The following GRID2 variants were observed in gnomAD, a reference collection of about 807,000 sequenced individuals.
GRID2 encodes glutamate ionotropic receptor delta type subunit 2.
GRID2 carries 33 observed loss-of-function variants against 114.8 expected under a neutral mutation model. The observed-to-expected ratio is 0.29, with a 90% CI of 0.22 to 0.38. GRID2 has a LOEUF of 0.38. Ranked by LOEUF, GRID2 falls within the 10% of genes least tolerant of loss-of-function variation. GRID2 has a pLI of 1.00. For missense variants in GRID2, 1,184 were observed against 1,257.7 expected (o/e 0.94, Z 0.89); for synonymous variants, 505 against 449.9 (o/e 1.12, Z -1.55).
chr4:92,940,556 T>G (rs973865809), intron 2 of GRID2, among the ~76,000 whole-genome samples: 1 of 152,174 alleles, frequency 6.6e-6, no homozygotes, highest in African/African-American at 2.4e-5. Context: ...GAATGCCCTT[T>G]ATTTCCTTCC....
chr4:93,557,201 A>G (rs1221958619), intron 13 of GRID2, among the ~76,000 whole-genome samples: 3 of 152,218 alleles, frequency 2.0e-5, no homozygotes, highest in Non-Finnish European at 2.9e-5. Flanking sequence ...CAAAGTAACC[A>G]GCTAGCATCA....
At chr4:92,308,206 GCA>G (rs1413269526) in intron 1 of GRID2, among the ~76,000 whole-genome samples, 1 of 152,146 alleles carries the variant, frequency 6.6e-6, no homozygotes, top group Non-Finnish European at 1.5e-5. Context: ...CCAGTCAACT[GCA>G]CAGTTTGTGT....
chr4:92,605,045 A>G (rs948152962), intron 2 of GRID2, among the ~76,000 whole-genome samples: 2 of 152,004 alleles, frequency 1.3e-5, no homozygotes, highest in African/African-American at 4.8e-5. Context: ...ATACCTTGTG[A>G]AGAAGATGCC....
chr4:92,807,321 T>A (rs2149376477), intron 2 of GRID2, among the ~76,000 whole-genome samples: 1 of 152,096 alleles, frequency 6.6e-6, no homozygotes. Context: ...TTCAGAGGAC[T>A]CATAAAAAAT....
intron 1 of GRID2, among the ~76,000 whole-genome samples, chr4:92,518,093 G>A (rs1309609017): frequency 1.3e-5 from 2 of 151,706 alleles, no homozygotes; most frequent in African/African-American, 4.8e-5. Context: ...TATAATGAGT[G>A]TGTCTGTGCC....
chr4:92,475,709 A>C (rs1722271854), intron 1 of GRID2, among the ~76,000 whole-genome samples: 1 of 151,862 alleles, frequency 6.6e-6, no homozygotes, highest in African/African-American at 2.4e-5. Flanking sequence ...TTTGTGTAAA[A>C]CATCATGGGG....
At chr4:93,632,653 T>G (rs188632651) in intron 14 of GRID2, among the ~76,000 whole-genome samples, 160 of 152,314 alleles carry the variant, frequency 1.1e-3, no homozygotes, top group African/African-American at 3.8e-3. Flanking sequence ...GGTAGCGTGA[T>G]GCCTCCAGCT....
rs374351747 is a variant in GRID2 at position 93,602,165 on chromosome 4, C to A, written c.2194-24104C>A. ...TTTATAAGAAAATCTTCCCATTTTG[C>A]TTTTCAGAGAGGATTGTGTTATTAT... On this transcript the variant is annotated intron_variant, in intron 13 of 15. Coordinates refer to ENST00000282020, the MANE Select transcript of GRID2 (RefSeq NM_001510.4). Among the ~76,000 whole-genome samples, 7 of 152,294 alleles carry A rather than the reference C, an allele frequency of 4.6e-5. No homozygotes were observed. The East Asian group carries it at 1.4e-3, about 29-fold the overall frequency.
At chr4:93,682,773 G>T (rs1411075603) in intron 14 of GRID2, among the ~76,000 whole-genome samples, 3 of 142,628 alleles carry the variant, frequency 2.1e-5, no homozygotes, top group Non-Finnish European at 3.0e-5. Flanking sequence ...ACACTCTGGG[G>T]ACTGTTGTGG....
At chr4:92,427,615 T>A (rs186464630) in intron 1 of GRID2, among the ~76,000 whole-genome samples, 1 of 152,230 alleles carries the variant, frequency 6.6e-6, no homozygotes, top group African/African-American at 2.4e-5. Flanking sequence ...AAAGAGATCA[T>A]GATAAGGAGA....
chr4:92,585,299 G>T (rs1013925889), intron 1 of GRID2, among the ~76,000 whole-genome samples: 1 of 151,882 alleles, frequency 6.6e-6, no homozygotes, highest in African/African-American at 2.4e-5. Context: ...TAGCATCTTT[G>T]CTAACTTTCA....
chr4:92,386,520 C>T (rs1048157963), intron 1 of GRID2, among the ~76,000 whole-genome samples: 9 of 151,700 alleles, frequency 5.9e-5, no homozygotes, highest in African/African-American at 2.2e-4. Flanking sequence ...TAGCATTGTA[C>T]TTACAGCATT....
chr4:93,546,328 T>C (rs1298399845), intron 13 of GRID2, among the ~76,000 whole-genome samples: 1 of 152,110 alleles, frequency 6.6e-6, no homozygotes, highest in Admixed American at 6.6e-5. Flanking sequence ...AATTTGGGAA[T>C]TATCAGAATA....
chr4:92,796,424 G>T lies in GRID2; in HGVS notation c.244+206138G>T, dbSNP rs139146493. Among the ~76,000 whole-genome samples the T allele has an allele frequency of 9.9e-5, 15 of 151,926 alleles. No individual in the cohort carries two copies. The South Asian group carries it at 2.5e-3, about 25-fold the overall frequency. ...ATTGTCCCAGCCTTCTTGTACAACC[G>T]AAAGACTGACAGCTCGTGTTCATCT... On this transcript the variant is annotated intron_variant, in intron 2 of 15. Transcript: ENST00000282020.
rs1056034411 is a variant in GRID2, at chr4:93,383,314, T to A, written c.1246-12293T>A. Among the ~76,000 whole-genome samples the A allele has an allele frequency of 3.9e-5, 6 of 152,248 alleles. No individual in the cohort carries two copies. In the East Asian group the frequency reaches 9.7e-4, roughly 25 times the overall value. ...CCAATATTTGGATTATAACATTCCT[T>A]TTGCCCATGCTGGCTTTTGTGAACT... On this transcript the variant is annotated intron_variant, in intron 8 of 15. Transcript: ENST00000282020.
chr4:92,308,892 G>T (rs753891689), intron 1 of GRID2, among the ~76,000 whole-genome samples: 1 of 151,976 alleles, frequency 6.6e-6, no homozygotes, highest in Non-Finnish European at 1.5e-5. Flanking sequence ...CTTGATAACT[G>T]TGTAAACGTC....
intron 1 of GRID2, among the ~76,000 whole-genome samples, chr4:92,450,591 T>C (rs532492944): frequency 6.6e-6 from 1 of 152,076 alleles, no homozygotes; most frequent in Non-Finnish European, 1.5e-5. Flanking sequence ...TTTTAAATTG[T>C]ATTTGTTATG....
chr4:93,217,096 A>C, intron 6 of GRID2, 185 bp downstream of exon 6: 24 of 420,638 alleles, frequency 5.7e-5, no homozygotes, highest in Admixed American at 7.8e-5. Context: ...TTTTGATCTC[A>C]TTATAGAAAA....
chr4:92,769,345 A>G (rs1311692381), intron 2 of GRID2, among the ~76,000 whole-genome samples: 1 of 151,964 alleles, frequency 6.6e-6, no homozygotes, highest in African/African-American at 2.4e-5. Context: ...CCTCCCTCTC[A>G]CCTGCTTTCA....
Sources: gnomAD v4.1 joint callset for allele counts (sites outside exome capture counted in the v4.1 genomes callset) on GRCh38, gnomAD v4.1.1 for gene constraint, MANE v1.5 for transcripts, NCBI Gene and HGNC (gene_info 2026-07-23, HGNC 2026-07-21) for gene names.